Variants in KALRN observed in about 807,000 individuals in gnomAD.
KALRN encodes the protein kalirin.
In KALRN, 70 loss-of-function variants were observed where a neutral mutation model predicts 353.7. That is an observed-to-expected ratio of 0.20 (90% CI 0.16 to 0.24). The LOEUF is 0.24. Among genes scored for constraint, KALRN ranks in the 10% least tolerant of loss-of-function variants. The pLI, the probability that KALRN is intolerant of heterozygous loss-of-function variation, is 1.00. For missense variants in KALRN, 2,791 were observed against 3,756.7 expected (o/e 0.74, Z 6.72); for synonymous variants, 1,391 against 1,434.8 (o/e 0.97, Z 0.69).
chr3:124,616,126 G>T (rs890195996), intron 34 of KALRN, among the ~76,000 whole-genome samples: 6 of 152,156 alleles, frequency 3.9e-5, no homozygotes, highest in Admixed American at 2.0e-4. Context: ...CTCCATATAT[G>T]CAGTTTCCTC....
chr3:124,644,422 A>G (rs147832470), intron 37 of KALRN, among the ~76,000 whole-genome samples: 62 of 152,020 alleles, frequency 4.1e-4, no homozygotes, highest in African/African-American at 1.4e-3. Flanking sequence ...GGTTTGCTGC[A>G]CCCATCAACC....
intron 51 of KALRN, among the ~76,000 whole-genome samples, chr3:124,692,444 G>A (rs1332641844): frequency 6.6e-6 from 1 of 152,206 alleles, no homozygotes; most frequent in Non-Finnish European, 1.5e-5. Context: ...TATAAGGGAA[G>A]AACACACAGA....
Position 124,657,534 on chromosome 3 carries a change from T to C in KALRN, c.5949T>C (p.Ile1983=). 6.2e-7 allele frequency: 1 copy of C among 1,613,448 alleles called. No homozygotes were observed. Among genetic ancestry groups the C allele is most frequent in the Non-Finnish European group, 8.5e-7 (1 of 1,179,374 alleles). ...TCGTGTTTGGAAATATTCATCAGAT[T>C]TATGACTGGCATAAGGAGTAAGTGT... ...DKIVFGNIHQ[I]YDWHKDFFLA... Residue 1983 remains isoleucine (I), a synonymous_variant, in exon 40 of 60, where the codon ATT becomes ATC. Coordinates refer to ENST00000682506, the MANE Select transcript of KALRN (RefSeq NM_001388419.1).
At chr3:124,332,665 G>T (rs2080709714) in intron 8 of KALRN, among the ~76,000 whole-genome samples, 1 of 152,124 alleles carries the variant, frequency 6.6e-6, no homozygotes, top group Non-Finnish European at 1.5e-5. Context: ...GGCAGAGAGT[G>T]TCATCCCACT....
chr3:124,051,745 T>C (rs1457483535), intron 1 of KALRN, among the ~76,000 whole-genome samples: 1 of 152,198 alleles, frequency 6.6e-6, no homozygotes, highest in Admixed American at 6.5e-5. Context: ...ATTTCTACTT[T>C]GGTGAAACTG....
chr3:124,427,771 T>C (rs2093088828), intron 15 of KALRN, among the ~76,000 whole-genome samples: 1 of 152,216 alleles, frequency 6.6e-6, no homozygotes, highest in South Asian at 2.1e-4. Context: ...ACCCTATAGA[T>C]GTAGGGGCAC....
rs2063317984 is a variant in KALRN at position 124,719,868 on chromosome 3, G to A, written c.*398G>A. 1 of 188,686 alleles carries A rather than the reference G, an allele frequency of 5.3e-6. No individual in the cohort carries two copies. Among genetic ancestry groups the A allele is most frequent in the South Asian group, 1.2e-4 (1 of 8,472 alleles). 11.7% of individuals were successfully genotyped at this position (188,686 alleles called of 1,614,324 possible). On this transcript the variant is annotated 3_prime_UTR_variant, in exon 60 of 60. Coordinates refer to ENST00000682506, the MANE Select transcript of KALRN (RefSeq NM_001388419.1). The surrounding 1 kb of genome is among the most constrained non-coding windows in gnomAD (Gnocchi z 5.3). ...TTTTAAGCAAGAAGTTCTATTTAAT[G>A]GAGATGTCATGTATATCAACTATTC...
chr3:124,050,390 C>A, intron 1 of KALRN, among the ~76,000 whole-genome samples: 1 of 152,196 alleles, frequency 6.6e-6, no homozygotes, highest in Non-Finnish European at 1.5e-5. Flanking sequence ...CTGCACTTGG[C>A]TCCCTAACTA....
chr3:124,426,939 A>G (rs2093048877), intron 15 of KALRN, among the ~76,000 whole-genome samples: 1 of 152,258 alleles, frequency 6.6e-6, no homozygotes, highest in African/African-American at 2.4e-5. Flanking sequence ...ATGGATTTAT[A>G]AAATGTTGTG....
At chr3:124,059,254 A>G (rs756629940) in intron 1 of KALRN, among the ~76,000 whole-genome samples, 3 of 152,214 alleles carry the variant, frequency 2.0e-5, no homozygotes, top group Non-Finnish European at 4.4e-5. Context: ...GAAAAAAATG[A>G]TGCATATAAA....
At chr3:124,056,248 A>AT (rs917181992) in intron 1 of KALRN, among the ~76,000 whole-genome samples, 175 of 149,172 alleles carry the variant, frequency 1.2e-3, no homozygotes, top group African/African-American at 3.7e-3. Context: ...GTTTGTGTTT[A>AT]TTTTTTTTTT....
chr3:124,091,690 C>T (rs1230068532), intron 1 of KALRN, among the ~76,000 whole-genome samples: 1 of 152,084 alleles, frequency 6.6e-6, no homozygotes, highest in African/African-American at 2.4e-5. Context: ...ACTGCCTGTC[C>T]CTGGAAAACA....
chr3:124,438,571 A>T (rs543664457), intron 17 of KALRN, among the ~76,000 whole-genome samples: 1 of 150,820 alleles, frequency 6.6e-6, no homozygotes, highest in African/African-American at 2.5e-5. Flanking sequence ...TTGTGAGATT[A>T]TAACAATATA....
intron 37 of KALRN, among the ~76,000 whole-genome samples, chr3:124,639,670 G>T (rs632874): frequency 0.23 from 35,281 of 152,108 alleles, 4,402 homozygotes; most frequent in East Asian, 0.47. Context: ...GGGGATGTGG[G>T]ATGGCATTGG....
In KALRN at chr3:124,631,874, C is replaced by G. The variant is rs141046382; in HGVS notation, c.5183-546C>G. The stretch of plus-strand genomic sequence containing the variant: ...TTCTTACTGATCCCCCCGGCTTACT[C>G]CACCAAGGCCACCCCAGGCCTTGCC... On this transcript the variant is annotated intron_variant, in intron 34 of 59. Transcript: ENST00000682506. Among the ~76,000 whole-genome samples, 814 of 152,322 alleles carry G rather than the reference C, an allele frequency of 5.3e-3. 6 individuals are homozygous for G. Among genetic ancestry groups the G allele is most frequent in the African/African-American group, 0.019 (772 of 41,570 alleles).
At chr3:124,439,190 T>TCACACACA (rs1173931984) in intron 18 of KALRN, among the ~76,000 whole-genome samples, 153 bp downstream of exon 18, 6 of 58,128 alleles carry the variant, frequency 1.0e-4, no homozygotes, top group African/African-American at 4.3e-4. Context: ...CTTCTCCTTC[T>TCACACACA]CTCTCTCTCT....
At chr3:124,115,484 G>A (rs60399611) in intron 1 of KALRN, among the ~76,000 whole-genome samples, 2 of 152,232 alleles carry the variant, frequency 1.3e-5, no homozygotes, top group African/African-American at 4.8e-5. Context: ...TGTTTTGGGC[G>A]TCCGTCAGAT....
chr3:124,719,209 C>T lies in KALRN; in HGVS notation c.8700C>T (p.Pro2900=), dbSNP rs768962563. The T allele has an allele frequency of 1.6e-4, 263 of 1,614,106 alleles. No individual in the cohort carries two copies. The highest frequency in any genetic ancestry group is 5.9e-6 in the Non-Finnish European group (7 of 1,180,048). Residue 2900 remains proline (P), a synonymous_variant, in exon 60 of 60, where the codon CCC becomes CCT. Transcript: ENST00000682506. This position sits in a 1 kb window ranked among gnomAD's most constrained non-coding sequence, Gnocchi z 5.3. ...TATGCAGGGTGGATTTCAGCTTCCC[C>T]CATGAATACTTCTGTGGTGTGAGCA... ...INVCRVDFSF[P]HEYFCGVSNA... is the part of the protein sequence containing the mutation.
intron 1 of KALRN, among the ~76,000 whole-genome samples, chr3:124,106,985 A>G (rs975670776): frequency 6.6e-6 from 1 of 152,176 alleles, no homozygotes; most frequent in African/African-American, 2.4e-5. Flanking sequence ...TGTTATCACT[A>G]TGAAAAATAA....
Sources: allele counts gnomAD v4.1 joint callset (sites outside exome capture counted in the v4.1 genomes callset), GRCh38; gene constraint gnomAD v4.1.1; non-coding constraint Gnocchi (gnomAD v3.1); transcripts MANE v1.5; gene names NCBI Gene and HGNC (gene_info 2026-07-23, HGNC 2026-07-21).